The following RSRC2 variants were observed in gnomAD, a reference collection of about 807,000 sequenced individuals.
The protein encoded by RSRC2 is arginine/serine-rich coiled-coil protein 2.
Under a neutral mutation model 61.3 loss-of-function variants are expected in RSRC2, and 5 were observed. The observed-to-expected ratio is 0.08, with a 90% CI of 0.04 to 0.17. The LOEUF is 0.17. Among genes scored for constraint, RSRC2 ranks in the 10% least tolerant of loss-of-function variants. The pLI, the probability that RSRC2 is intolerant of heterozygous loss-of-function variation, is 1.00. For synonymous variants in RSRC2, 202 were observed against 166.5 expected, an observed-to-expected ratio of 1.21 and a Z score of -1.64; for missense variants, 381 against 518.8, an observed-to-expected ratio of 0.73 and a Z score of 2.58.
intron 1 of RSRC2, among the ~76,000 whole-genome samples, chr12:122,525,804 T>TAAATTTAAAGGAACAAGG (rs1593439382): frequency 8.3e-5 from 4 of 48,230 alleles, no homozygotes; most frequent in Non-Finnish European, 1.3e-4. Context: ...ACGAAGAGTT[T>TAAATTTAAAGGAACAAGG]TTTTTTTTTT....
At position 122,522,229 on chromosome 12, in the gene RSRC2, T is replaced by A. The variant is rs1321549830; in HGVS notation, c.77A>T (p.Gln26Leu). 2 of 1,614,068 alleles carry A rather than the reference T, an allele frequency of 1.2e-6. No homozygotes were observed. Among genetic ancestry groups the A allele is most frequent in the Non-Finnish European group, 1.7e-6 (2 of 1,179,914 alleles). ...TSPDRDKKKE[Q>L]SEVSVSPRAS... ...TCTAGGAGAAACAGATACTTCTGAC[T>A]GCTCTTTTTTCTTATCTCTATCTGG... Residue 26 changes from glutamine to leucine, a missense_variant, in exon 2 of 10, where the codon CAG (glutamine) becomes CTG (leucine). By Grantham distance (113) the Gln-to-Leu change is moderately radical. Transcript: ENST00000331738.
chr12:122,525,236 T>C (rs1201018706), intron 1 of RSRC2, among the ~76,000 whole-genome samples: 2 of 151,576 alleles, frequency 1.3e-5, no homozygotes, highest in African/African-American at 4.9e-5. Flanking sequence ...ATTAGCCGGG[T>C]GTGGTGGTGG....
At chr12:122,524,783 G>T (rs1008446595) in intron 1 of RSRC2, among the ~76,000 whole-genome samples, 4 of 152,152 alleles carry the variant, frequency 2.6e-5, no homozygotes, top group Non-Finnish European at 5.9e-5. Flanking sequence ...CAAAAACTGA[G>T]TATTAAAATT....
Position 122,505,300 on chromosome 12 carries a change from A to T in RSRC2, c.*227T>A, listed in dbSNP as rs1034462574. 5.2e-6 allele frequency: 2 copies of T among 385,554 alleles called. No homozygotes were observed. The highest frequency in any genetic ancestry group is 2.1e-5 in the African/African-American group (1 of 48,312). 23.9% of individuals were successfully genotyped at this position (385,554 alleles called of 1,614,324 possible). On this transcript the variant is annotated 3_prime_UTR_variant, in exon 10 of 10. Transcript: ENST00000331738. ...GAAAAGTAGAATTCATGAACTAAAA[A>T]ATATTATCCTTCTATAGTCCTGTCA... is the stretch of plus-strand genomic sequence containing the variant.
At position 122,504,654 on chromosome 12, in the gene RSRC2, ATATTT is replaced by A. The variant is rs1958014142; in HGVS notation, c.*868_*872del. On this transcript the variant is annotated 3_prime_UTR_variant, in exon 10 of 10. Transcript: ENST00000331738. ...AAAAAACAAACAAAAAAAATTTCTA[ATATTT>A]TAATATTTTATAGTCTATGCTGGAG... 6.6e-6 allele frequency: 1 copy of A among 152,596 alleles called. No individual in the cohort carries two copies. Among genetic ancestry groups the A allele is most frequent in the Non-Finnish European group, 1.5e-5 (1 of 68,030 alleles). 9.5% of individuals were successfully genotyped at this position (152,596 alleles called of 1,614,324 possible). A position where few individuals can be genotyped will look rare whatever the true frequency, so the allele number is the denominator to read the frequency against.
At position 122,504,561 on chromosome 12, in the gene RSRC2, G is replaced by A. The variant is rs1000327871; in HGVS notation, c.*966C>T. On this transcript the variant is annotated 3_prime_UTR_variant, in exon 10 of 10. Transcript: ENST00000331738. ...GAATTGCTTGAACCTGGGGGGCAGA[G>A]GCTCTGGCAGTGAGCCGAGATTGTG... 5 of 152,258 alleles carry A rather than the reference G, an allele frequency of 3.3e-5. No individual in the cohort carries two copies. Among genetic ancestry groups the A allele is most frequent in the African/African-American group, 4.8e-5 (2 of 41,442 alleles). The allele number at this position is 152,258 out of a possible 1,614,324, so 9.4% of individuals were successfully genotyped here.
chr12:122,505,492 T>A lies in RSRC2; in HGVS notation c.*35A>T. 1 of 1,595,574 alleles carries A rather than the reference T, an allele frequency of 6.3e-7. No homozygotes were observed. Among genetic ancestry groups the A allele is most frequent in the Non-Finnish European group, 8.6e-7 (1 of 1,166,832 alleles). ...AAGGACGTGACATCAGAACAAGAAG[T>A]CTATAAGTCCCAAACTTTACAAGTG... On this transcript the variant is annotated 3_prime_UTR_variant, in exon 10 of 10. Transcript: ENST00000331738.
chr12:122,506,546 G>A (rs774652104), intron 9 of RSRC2: 11 of 270,482 alleles, frequency 4.1e-5, no homozygotes, highest in Non-Finnish European at 5.6e-5. Context: ...GAAGTTTAAG[G>A]CTGCAGTGAG....
intron 7 of RSRC2, 139 bp downstream of exon 7, chr12:122,510,970 G>A (rs1740225587): frequency 1.6e-6 from 1 of 616,396 alleles, no homozygotes; most frequent in Non-Finnish European, 2.8e-6. Context: ...GATCACTTGA[G>A]CCTGGGAGTT....
chr12:122,506,614 G>A (rs545898925), intron 9 of RSRC2: 10 of 439,414 alleles, frequency 2.3e-5, no homozygotes, highest in Middle Eastern at 6.3e-4. Flanking sequence ...GCAAAACCCC[G>A]TCTCTCTCTC....
At chr12:122,525,169 T>C (rs1959905218) in intron 1 of RSRC2, among the ~76,000 whole-genome samples, 1 of 151,512 alleles carries the variant, frequency 6.6e-6, no homozygotes. Flanking sequence ...AGGTCAGGAG[T>C]TCGAGACCAG....
intron 6 of RSRC2, among the ~76,000 whole-genome samples, chr12:122,512,195 G>A (rs1314022037): frequency 6.6e-6 from 1 of 152,172 alleles, no homozygotes; most frequent in Non-Finnish European, 1.5e-5. Flanking sequence ...CACTAAACAA[G>A]CTATATGTTA....
chr12:122,522,560 C>T (rs891935378), intron 1 of RSRC2: 2 of 301,156 alleles, frequency 6.6e-6, no homozygotes, highest in East Asian at 1.2e-4. Flanking sequence ...ACTTTTAAAA[C>T]ATGGGGTGGG....
chr12:122,524,541 T>C (rs190165409), intron 1 of RSRC2, among the ~76,000 whole-genome samples: 71 of 152,340 alleles, frequency 4.7e-4, no homozygotes, highest in Middle Eastern at 3.4e-3. Context: ...TTTAACTTCA[T>C]GCTTAACATC....
intron 5 of RSRC2, 91 bp from the exon 6 acceptor site, chr12:122,515,318 A>C: frequency 7.9e-7 from 1 of 1,269,796 alleles, no homozygotes; most frequent in Non-Finnish European, 1.1e-6. Context: ...AAAAATCCCA[A>C]CGATACAAAA....
At chr12:122,505,785 T>A (rs1958074506) in intron 9 of RSRC2, 79 bp from the exon 10 acceptor site, 5 of 380,458 alleles carry the variant, frequency 1.3e-5, no homozygotes, top group South Asian at 6.5e-5. Context: ...TTTTTATGTA[T>A]TTTTTTTTTT....
Position 122,522,218 on chromosome 12 carries a change from A to G in RSRC2, c.88T>C (p.Ser30Pro). Residue 30 changes from serine to proline, a missense_variant, in exon 2 of 10, where the codon TCT becomes CCT. Ser to Pro is a moderately conservative substitution (Grantham distance 74, BLOSUM62 -1). This residue lies in a region of RSRC2 where 266 missense variants were observed against 270.5 expected (regional missense o/e 0.98). Coordinates refer to ENST00000331738, the MANE Select transcript of RSRC2 (RefSeq NM_023012.6). ...TGTTTTGAAGCTCTAGGAGAAACAG[A>G]TACTTCTGACTGCTCTTTTTTCTTA... Reference protein sequence around the residue: ...RDKKKEQSEVSVSPRASKHHY... With the variant: ...RDKKKEQSEVPVSPRASKHHY... The G allele has an allele frequency of 6.2e-7, 1 of 1,614,114 alleles. No individual in the cohort carries two copies. Among genetic ancestry groups the G allele is most frequent in the Non-Finnish European group, 8.5e-7 (1 of 1,179,972 alleles).
rs770387085 is a variant in RSRC2 at position 122,511,201 on chromosome 12, T to C, written c.726-13A>G. 4 of 1,570,402 alleles carry C rather than the reference T, an allele frequency of 2.5e-6. No individual in the cohort carries two copies. The African/African-American group carries it at 5.4e-5, about 21-fold the overall frequency. On this transcript the variant is annotated splice_polypyrimidine_tract_variant and intron_variant, in intron 6 of 9. Transcript: ENST00000331738. Reference sequence around the variant, plus strand: ...TGCCCTTTCCAACCTGCAAAATTAATTTCAATGAATTTAAAATAACACAAT... The same window carrying C: ...TGCCCTTTCCAACCTGCAAAATTAACTTCAATGAATTTAAAATAACACAAT...
At chr12:122,521,138 C>T (rs1959196456) in intron 3 of RSRC2, 2 of 412,026 alleles carry the variant, frequency 4.9e-6, no homozygotes, top group South Asian at 4.0e-5. Flanking sequence ...CAATCATATT[C>T]TTCATATGAA....
Sources: gnomAD v4.1 joint callset for allele counts (sites outside exome capture counted in the v4.1 genomes callset) on GRCh38, gnomAD v4.1.1 for gene constraint, gnomAD v4.1.1 regional missense constraint, MANE v1.5 for transcripts, NCBI Gene and HGNC (gene_info 2026-07-23, HGNC 2026-07-21) for gene names.